FYB2: variants seen among roughly 807,000 people sequenced by gnomAD.
FYB2 encodes the protein FYN binding protein 2.
In FYB2, 103 loss-of-function variants were observed where a neutral mutation model predicts 94.1. The observed-to-expected ratio is 1.09, with a 90% CI of 0.93 to 1.29. The LOEUF (loss-of-function observed/expected upper bound fraction) is 1.29, where lower values mean the gene tolerates loss of function less well. Among genes scored for constraint, FYB2 ranks in the 50% most tolerant of loss-of-function variants. The pLI, the probability that FYB2 is intolerant of heterozygous loss-of-function variation, is 0.00. For missense variants in FYB2, 896 were observed against 841.5 expected (o/e 1.06, Z -0.80); for synonymous variants, 293 against 287.9 (o/e 1.02, Z -0.18).
intron 15 of FYB2, among the ~76,000 whole-genome samples, chr1:56,734,115 T>C (rs962615355): frequency 2.0e-5 from 3 of 152,180 alleles, no homozygotes; most frequent in Admixed American, 2.0e-4. Flanking sequence ...GGTGCATATA[T>C]ATTTAGGATA....
intron 1 of FYB2, among the ~76,000 whole-genome samples, chr1:56,805,554 G>C (rs991890819): frequency 1.3e-5 from 2 of 152,100 alleles, no homozygotes; most frequent in Non-Finnish European, 2.9e-5. Context: ...AGCTTACCAG[G>C]ACACATAGCA....
chr1:56,779,394 T>G (rs1047699343), intron 4 of FYB2, among the ~76,000 whole-genome samples: 1 of 152,134 alleles, frequency 6.6e-6, no homozygotes, highest in Non-Finnish European at 1.5e-5. Flanking sequence ...GGGTGTCACT[T>G]GGAGCTGAAC....
intron 2 of FYB2, 131 bp from the exon 3 acceptor site, chr1:56,789,265 A>G: frequency 9.8e-7 from 1 of 1,019,536 alleles, no homozygotes; most frequent in Non-Finnish European, 1.4e-6. Context: ...GAGTGCCCTG[A>G]TCAATACATA....
rs192022616 is a variant in FYB2, at chr1:56,753,787, A to G, written c.1227+52T>C. ...TCTCAGGCCATATAAAGTCACCCCC[A>G]TGAACTGATCTGTTATATGTCTAAA... On this transcript the variant is annotated intron_variant, in intron 8 of 19. Transcript: ENST00000343433. 9.1e-6 allele frequency: 12 copies of G among 1,312,124 alleles called. No homozygotes were observed. The East Asian group carries it at 2.8e-4, about 30-fold the overall frequency. The allele number at this position is 1,312,124 out of a possible 1,614,324, so 81.3% of individuals were successfully genotyped here.
chr1:56,794,832 T>C (rs566727932), intron 1 of FYB2, among the ~76,000 whole-genome samples: 5 of 152,244 alleles, frequency 3.3e-5, no homozygotes, highest in African/African-American at 1.2e-4. Flanking sequence ...TTACGTGCCT[T>C]GGGCAATTCA....
chr1:56,770,183 T>C (rs1287875094), intron 4 of FYB2, among the ~76,000 whole-genome samples: 2 of 151,978 alleles, frequency 1.3e-5, no homozygotes, highest in Non-Finnish European at 2.9e-5. Flanking sequence ...TTAGAGAAAA[T>C]TGGCAACTTT....
chr1:56,801,356 A>T (rs1646514794), intron 1 of FYB2, among the ~76,000 whole-genome samples: 1 of 152,116 alleles, frequency 6.6e-6, no homozygotes, highest in African/African-American at 2.4e-5. Flanking sequence ...ATATCAAACT[A>T]AACCTACTGC....
At chr1:56,757,751 T>TTTCTTTTCA (rs1645388663) in intron 6 of FYB2, among the ~76,000 whole-genome samples, 1 of 141,092 alleles carries the variant, frequency 7.1e-6, no homozygotes, top group Non-Finnish European at 1.5e-5. Context: ...TCTTTCTTTC[T>TTTCTTTTCA]TTCTTTTCAT....
chr1:56,773,378 T>C (rs1470449911), intron 4 of FYB2, among the ~76,000 whole-genome samples: 1 of 152,162 alleles, frequency 6.6e-6, no homozygotes, highest in Non-Finnish European at 1.5e-5. Context: ...GGTCAAACAG[T>C]GAGATTATTA....
At chr1:56,743,994 T>C (rs888626854) in intron 11 of FYB2, 32 bp downstream of exon 11, 1 of 1,604,418 alleles carries the variant, frequency 6.2e-7, no homozygotes, top group Non-Finnish European at 8.5e-7. Flanking sequence ...CAATTCCTAC[T>C]GGCAACTTCA....
At chr1:56,736,113 A>C (rs374627383) in intron 15 of FYB2, among the ~76,000 whole-genome samples, 2 of 152,156 alleles carry the variant, frequency 1.3e-5, no homozygotes, top group African/African-American at 4.8e-5. Flanking sequence ...AACATCAAAT[A>C]ACAAAGAAAT....
At chr1:56,814,200 G>C (rs529519612) in intron 1 of FYB2, among the ~76,000 whole-genome samples, 2 of 152,324 alleles carry the variant, frequency 1.3e-5, no homozygotes, top group East Asian at 3.9e-4. Context: ...TGAGGGATGT[G>C]GTGCGGGTGA....
chr1:56,782,925 T>C (rs538867293), intron 4 of FYB2, among the ~76,000 whole-genome samples: 1 of 152,172 alleles, frequency 6.6e-6, no homozygotes, highest in African/African-American at 2.4e-5. Flanking sequence ...TAGCCAACTC[T>C]GCTAAGTACT....
intron 9 of FYB2, among the ~76,000 whole-genome samples, chr1:56,750,640 A>T (rs1298855986): frequency 1.3e-5 from 2 of 152,032 alleles, no homozygotes; most frequent in East Asian, 3.9e-4. Context: ...CATGTCAATG[A>T]TGATGTGAGC....
chr1:56,733,657 A>G (rs963553620), intron 15 of FYB2, among the ~76,000 whole-genome samples: 1 of 151,920 alleles, frequency 6.6e-6, no homozygotes. Flanking sequence ...GGTTTCAAAG[A>G]ACATCTTTAT....
chr1:56,723,628 C>G lies in FYB2; in HGVS notation c.1934G>C (p.Arg645Thr), dbSNP rs868438698. 6.4e-7 allele frequency: 1 copy of G among 1,569,870 alleles called. No homozygotes were observed. Among genetic ancestry groups the G allele is most frequent in the East Asian group, 2.3e-5 (1 of 44,274 alleles). Residue 645 changes from arginine (R) to threonine (T), a missense_variant, in exon 17 of 20, where the codon AGA becomes ACA. Transcript: ENST00000343433. ...KTKKQNLEKNRMKREEKLFRE... is the reference protein window; with the variant it reads ...KTKKQNLEKNTMKREEKLFRE... ...AAATAGTTTTTCTTCTCTTTTCATTCTGTTCTTTTCTAAGTTTTGCTTCTT... is the reference window on the plus strand; with the variant it reads ...AAATAGTTTTTCTTCTCTTTTCATTGTGTTCTTTTCTAAGTTTTGCTTCTT...
chr1:56,807,304 G>C (rs182858456), intron 1 of FYB2, among the ~76,000 whole-genome samples: 1 of 152,256 alleles, frequency 6.6e-6, no homozygotes, highest in East Asian at 1.9e-4. Context: ...AAACTCCTCA[G>C]CCGATGTGGC....
At chr1:56,755,101 G>C (rs1018794474) in intron 7 of FYB2, among the ~76,000 whole-genome samples, 1 of 152,044 alleles carries the variant, frequency 6.6e-6, no homozygotes, top group Non-Finnish European at 1.5e-5. Flanking sequence ...TAACTCCAGG[G>C]AGAAGGGCTA....
intron 11 of FYB2, among the ~76,000 whole-genome samples, chr1:56,742,703 G>GATTTTGGATA (rs1644982729): frequency 6.6e-6 from 1 of 152,042 alleles, no homozygotes; most frequent in Non-Finnish European, 1.5e-5. Flanking sequence ...CTGAAACAGA[G>GATTTTGGATA]TCTAATGGAA....
Sources: gnomAD v4.1 joint callset for allele counts (sites outside exome capture counted in the v4.1 genomes callset) on GRCh38, gnomAD v4.1.1 for gene constraint, MANE v1.5 for transcripts, NCBI Gene and HGNC (gene_info 2026-07-23, HGNC 2026-07-21) for gene names.